The following GLT1D1 variants were observed in gnomAD, a reference collection of about 807,000 sequenced individuals.
GLT1D1 encodes glycosyltransferase 1 domain containing 1, also known as glycosyltransferase 1 domain-containing protein 1.
In GLT1D1, 21 loss-of-function variants were observed where a neutral mutation model predicts 28.7. The ratio of observed to expected loss-of-function variants is 0.73; its 90% CI spans 0.52 to 1.05. The LOEUF is 1.05. Ranked by LOEUF, GLT1D1 falls within the 50% of genes least tolerant of loss-of-function variation. GLT1D1 has a pLI of 0.00. For missense variants in GLT1D1, 343 were observed against 330.6 expected (o/e 1.04, Z -0.29); for synonymous variants, 147 against 124.8 (o/e 1.18, Z -1.19).
intron 7 of GLT1D1, among the ~76,000 whole-genome samples, chr12:128,966,005 TG>T (rs1192864392): frequency 6.6e-6 from 1 of 152,250 alleles, no homozygotes; most frequent in African/African-American, 2.4e-5. Flanking sequence ...GTGGCAGAGA[TG>T]GGACCTCCAA....
chr12:128,949,026 G>C (rs181967524), intron 6 of GLT1D1, among the ~76,000 whole-genome samples: 1 of 152,302 alleles, frequency 6.6e-6, no homozygotes, highest in African/African-American at 2.4e-5. Context: ...GTTGTCACTA[G>C]TATTAATCTC....
intron 4 of GLT1D1, 119 bp downstream of exon 8, chr12:128,927,273 C>G: frequency 1.3e-6 from 1 of 797,850 alleles, no homozygotes; most frequent in Non-Finnish European, 2.0e-6. Context: ...GAGTCTTGCT[C>G]TGTCCCCCAG....
At chr12:128,864,685 G>A (rs1956472091) in intron 1 of GLT1D1, among the ~76,000 whole-genome samples, 2 of 152,202 alleles carry the variant, frequency 1.3e-5, no homozygotes, top group African/African-American at 4.8e-5. Flanking sequence ...ACCTTCTAAG[G>A]GGCTCGGGCA....
intron 4 of GLT1D1, among the ~76,000 whole-genome samples, chr12:128,920,648 T>G (rs1457917675): frequency 2.0e-5 from 3 of 152,252 alleles, no homozygotes; most frequent in Non-Finnish European, 4.4e-5. Flanking sequence ...ATTGGGTTTC[T>G]GTTCCTGAGC....
chr12:128,970,660 C>T (rs1424767131), intron 7 of GLT1D1, among the ~76,000 whole-genome samples: 1 of 152,250 alleles, frequency 6.6e-6, no homozygotes, highest in East Asian at 1.9e-4. Flanking sequence ...GCTTTGCTCA[C>T]CCTCTGTCTC....
chr12:128,874,116 C>CTTTCTT (rs1555261626), intron 1 of GLT1D1, among the ~76,000 whole-genome samples: 3 of 59,524 alleles, frequency 5.0e-5, no homozygotes, highest in Admixed American at 2.1e-4. Context: ...CTCTCTCTCT[C>CTTTCTT]TCTCTCTCTC....
At chr12:128,921,620 T>C (rs1872662007) in intron 4 of GLT1D1, among the ~76,000 whole-genome samples, 1 of 152,048 alleles carries the variant, frequency 6.6e-6, no homozygotes, top group African/African-American at 2.4e-5. Context: ...TTATGGATTA[T>C]TCTCTTCTCA....
rs1157881056 is a variant in GLT1D1 at position 128,982,811 on chromosome 12, G to A, written c.640-118G>A. On this transcript the variant is annotated intron_variant, in intron 7 of 7. Transcript: ENST00000281703. The stretch of plus-strand genomic sequence containing the variant: ...TCCCTCCTAAAAGTCACTCTCTCCA[G>A]GCCCAGGAGGCAGACAAGGGCAAGG... The A allele has an allele frequency of 1.1e-5, 9 of 813,864 alleles. 1 individual carries two copies. Among genetic ancestry groups the A allele is most frequent in the South Asian group, 9.6e-5 (6 of 62,538 alleles). 50.4% of individuals were successfully genotyped at this position (813,864 alleles called of 1,614,324 possible).
chr12:128,951,708 C>T (rs527637170), intron 6 of GLT1D1, among the ~76,000 whole-genome samples: 3 of 152,204 alleles, frequency 2.0e-5, no homozygotes, highest in Admixed American at 1.3e-4. Context: ...GCCCAGGCAC[C>T]GCCCGTCTCC....
intron 4 of GLT1D1, among the ~76,000 whole-genome samples, chr12:128,908,139 T>C (rs1334122966): frequency 6.6e-6 from 1 of 152,086 alleles, no homozygotes; most frequent in East Asian, 1.9e-4. Flanking sequence ...TGGAGTGCAG[T>C]GGTGCGATCT....
Position 128,853,503 on chromosome 12 carries a change from C to G in GLT1D1, c.-79C>G, listed in dbSNP as rs1411310627. 7.1e-6 allele frequency: 7 copies of G among 990,038 alleles called. No individual in the cohort carries two copies. Among genetic ancestry groups the G allele is most frequent in the Non-Finnish European group, 8.4e-6 (7 of 830,362 alleles). The allele number at this position is 990,038 out of a possible 1,614,324, so 61.3% of individuals were successfully genotyped here. A position where few individuals can be genotyped will look rare whatever the true frequency, so the allele number is the denominator to read the frequency against. ...ACAGACCCAGCCGCCCCGGCTCCCC[C>G]GCCGTCCGCGTCTGCGCCGGCCCCG... On this transcript the variant is annotated 5_prime_UTR_variant, in exon 1 of 8. Transcript: ENST00000281703.
At chr12:128,889,078 AG>A (rs1400229078) in intron 3 of GLT1D1, among the ~76,000 whole-genome samples, 1 of 152,136 alleles carries the variant, frequency 6.6e-6, no homozygotes, top group Non-Finnish European at 1.5e-5. Context: ...CAGGAGCCCA[AG>A]GCTACAGTGT....
intron 7 of GLT1D1, among the ~76,000 whole-genome samples, chr12:128,979,513 G>T (rs920541873): frequency 5.3e-5 from 8 of 152,116 alleles, no homozygotes; most frequent in Admixed American, 4.6e-4. Flanking sequence ...ATGTGTGATG[G>T]GCTACATCTC....
chr12:128,976,991 C>T (rs1376634212), intron 7 of GLT1D1, among the ~76,000 whole-genome samples: 1 of 152,158 alleles, frequency 6.6e-6, no homozygotes, highest in African/African-American at 2.4e-5. Flanking sequence ...ACTGAAAAAA[C>T]AAAAATTAGT....
At chr12:128,867,459 C>T (rs1270731020) in intron 1 of GLT1D1, among the ~76,000 whole-genome samples, 1 of 150,548 alleles carries the variant, frequency 6.6e-6, no homozygotes, top group Admixed American at 6.6e-5. Flanking sequence ...GAGTTGGCAC[C>T]TGGAGGGCAG....
At chr12:128,947,490 A>G in intron 6 of GLT1D1, 32 bp downstream of exon 10, 2 of 1,613,018 alleles carry the variant, frequency 1.2e-6, no homozygotes, top group Non-Finnish European at 1.7e-6. Flanking sequence ...TGAAAGTGGG[A>G]GTGTGAAATT....
chr12:128,883,587 C>T (rs550993377), intron 2 of GLT1D1, among the ~76,000 whole-genome samples: 2,853 of 122,036 alleles, frequency 0.023, 102 homozygotes, highest in African/African-American at 0.089. Flanking sequence ...TAGACTCCAT[C>T]TCAAAAAAAA....
chr12:128,963,255 C>A (rs1164369700), intron 7 of GLT1D1, among the ~76,000 whole-genome samples: 1 of 152,172 alleles, frequency 6.6e-6, no homozygotes, highest in African/African-American at 2.4e-5. Flanking sequence ...GAAGAGGTGT[C>A]AGCTGTCCCA....
intron 4 of GLT1D1, among the ~76,000 whole-genome samples, chr12:128,905,345 G>A (rs1318647127): frequency 6.6e-6 from 1 of 152,222 alleles, no homozygotes; most frequent in Non-Finnish European, 1.5e-5. Context: ...CACGTGTGGC[G>A]AGGGCTGTTG....
Sources: gnomAD v4.1 joint callset for allele counts (sites outside exome capture counted in the v4.1 genomes callset) on GRCh38, gnomAD v4.1.1 for gene constraint, MANE v1.5 for transcripts, NCBI Gene and HGNC (gene_info 2026-07-23, HGNC 2026-07-21) for gene names.